KDM4C: variants seen among roughly 807,000 people sequenced by gnomAD.
KDM4C encodes lysine-specific demethylase 4C.
A neutral mutation model predicts 129.3 loss-of-function variants in KDM4C; 81 were observed. The observed-to-expected ratio is 0.63, with a 90% confidence interval of 0.52 to 0.75. The LOEUF (loss-of-function observed/expected upper bound fraction) is 0.75. Ranked by LOEUF, KDM4C falls within the 30% of genes least tolerant of loss-of-function variation. The probability of loss-of-function intolerance (pLI) is 0.00; values close to 1 mark genes in which losing one functional copy is unlikely to be tolerated. For synonymous variants in KDM4C, 573 were observed against 456.1 expected (o/e 1.26, Z -3.26); for missense variants, 1,457 against 1,304.0 (o/e 1.12, Z -1.81).
intron 1 of KDM4C, among the ~76,000 whole-genome samples, chr9:6,723,205 C>G (rs1301739546): frequency 6.6e-6 from 1 of 151,966 alleles, no homozygotes; most frequent in Non-Finnish European, 1.5e-5. Context: ...GAAACCCCGT[C>G]TCTACTAAAA....
intron 20 of KDM4C, among the ~76,000 whole-genome samples, chr9:7,166,204 C>T (rs1270783588): frequency 1.3e-5 from 2 of 152,124 alleles, no homozygotes; most frequent in Non-Finnish European, 2.9e-5. Flanking sequence ...AGGTTCAGGC[C>T]TGTTGAAAAA....
At chr9:7,098,982 G>T (rs1463261798) in intron 17 of KDM4C, among the ~76,000 whole-genome samples, 2 of 152,188 alleles carry the variant, frequency 1.3e-5, no homozygotes, top group African/African-American at 2.4e-5. Context: ...CCTCTGACTT[G>T]CCTGCAGCAA....
intron 15 of KDM4C, among the ~76,000 whole-genome samples, chr9:7,019,174 G>A (rs903399987): frequency 2.6e-5 from 4 of 152,184 alleles, no homozygotes; most frequent in Admixed American, 6.5e-5. Context: ...ATTTAGTGTC[G>A]TGGTGAGTGT....
intron 18 of KDM4C, among the ~76,000 whole-genome samples, chr9:7,117,904 C>CTAA (rs1291818659): frequency 1.3e-5 from 2 of 152,168 alleles, no homozygotes; most frequent in Non-Finnish European, 2.9e-5. Context: ...ACCTGTCTAA[C>CTAA]TAATGTGAAC....
chr9:6,807,974 C>T (rs1252258615), intron 3 of KDM4C, among the ~76,000 whole-genome samples: 7 of 125,288 alleles, frequency 5.6e-5, no homozygotes, highest in South Asian at 2.5e-4. Context: ...CCAGCCGCCC[C>T]GTCCGGGAGG....
chr9:7,008,780 C>T (rs1044962164), intron 12 of KDM4C, among the ~76,000 whole-genome samples: 3 of 152,198 alleles, frequency 2.0e-5, no homozygotes, highest in African/African-American at 7.2e-5. Context: ...AGGTACCAGG[C>T]CAGCTCACAT....
chr9:6,850,781 G>T (rs538301518), intron 5 of KDM4C, among the ~76,000 whole-genome samples: 1 of 151,632 alleles, frequency 6.6e-6, no homozygotes, highest in Non-Finnish European at 1.5e-5. Context: ...TCGAGACAGG[G>T]TCTCACTCTG....
chr9:6,817,144 A>G (rs1588473659), intron 4 of KDM4C, among the ~76,000 whole-genome samples: 1 of 151,670 alleles, frequency 6.6e-6, no homozygotes, highest in South Asian at 2.1e-4. Flanking sequence ...CAGTTACTTA[A>G]GAAAATAAAG....
intron 8 of KDM4C, among the ~76,000 whole-genome samples, chr9:6,902,231 G>A (rs1204596191): frequency 2.0e-5 from 3 of 152,148 alleles, no homozygotes; most frequent in Non-Finnish European, 2.9e-5. Context: ...AATAGGTGTT[G>A]TGAACACATA....
At chr9:7,147,769 T>G (rs1400422081) in intron 19 of KDM4C, among the ~76,000 whole-genome samples, 2 of 152,180 alleles carry the variant, frequency 1.3e-5, no homozygotes, top group Admixed American at 6.5e-5. Flanking sequence ...TAATTAGCTG[T>G]GCAACCAGGC....
intron 4 of KDM4C, among the ~76,000 whole-genome samples, chr9:6,827,860 A>G (rs1401537131): frequency 6.6e-6 from 1 of 152,222 alleles, no homozygotes; most frequent in Non-Finnish European, 1.5e-5. Context: ...ATCTGCTAGC[A>G]TGTTATGGCT....
upstream of KDM4C, among the ~76,000 whole-genome samples, chr9:6,753,612 G>A (rs983035819): frequency 3.3e-5 from 5 of 152,064 alleles, no homozygotes; most frequent in African/African-American, 9.6e-5. Context: ...TTATCGGCTC[G>A]CAGTTCTAGA....
rs537879723 is a variant in KDM4C at position 7,108,556 on chromosome 9, C to A, written c.2610+4686C>A. On this transcript the variant is annotated intron_variant, in intron 18 of 21. Transcript: ENST00000381309. ...CCAGCCTGAATGCTTTTTCCAGCCT[C>A]TGGGTCTTTAGGCCAGCTCCCAGGC... Among the ~76,000 whole-genome samples the A allele has an allele frequency of 2.8e-3, 431 of 152,278 alleles. 2 individuals are homozygous for A. The highest frequency in any genetic ancestry group is 0.016 in the South Asian group (79 of 4,826).
At chr9:7,032,463 A>G (rs1826938339) in intron 15 of KDM4C, among the ~76,000 whole-genome samples, 1 of 152,210 alleles carries the variant, frequency 6.6e-6, no homozygotes, top group African/African-American at 2.4e-5. Context: ...TGCTTTAGAG[A>G]AAGTAGTTTC....
intron 18 of KDM4C, among the ~76,000 whole-genome samples, chr9:7,118,810 TG>T (rs1398311505): frequency 6.6e-6 from 1 of 152,172 alleles, no homozygotes; most frequent in Non-Finnish European, 1.5e-5. Flanking sequence ...AGAACCCAGT[TG>T]GGGATTTTCC....
At chr9:6,934,856 T>G (rs1231577011) in intron 8 of KDM4C, among the ~76,000 whole-genome samples, 2 of 151,920 alleles carry the variant, frequency 1.3e-5, no homozygotes, top group East Asian at 3.9e-4. Context: ...GGCAAAGTTG[T>G]TAATATTCAG....
In KDM4C at chr9:6,807,103, C is replaced by T. The variant is rs879734770; in HGVS notation, c.320+1329C>T. On this transcript the variant is annotated intron_variant, in intron 3 of 21. Transcript: ENST00000381309. ...CGGGGTTTCGCTGTGTTGGCCGGGC[C>T]GGTCTCCAGCCCCTAACCGCGAGTG... 1.0e-3 allele frequency among the ~76,000 whole-genome samples: 152 copies of T among 152,020 alleles called. 1 individual carries two copies. The highest frequency in any genetic ancestry group is 1.9e-3 in the Non-Finnish European group (132 of 67,852).
chr9:6,773,764 C>G (rs1380452125), intron 1 of KDM4C, among the ~76,000 whole-genome samples: 2 of 141,676 alleles, frequency 1.4e-5, no homozygotes, highest in Non-Finnish European at 3.0e-5. Context: ...GAGTGAGACT[C>G]TGTCTCAAAA....
chr9:6,815,024 C>T (rs560374688), intron 4 of KDM4C: 2 of 240,634 alleles, frequency 8.3e-6, no homozygotes, highest in African/African-American at 4.5e-5. Flanking sequence ...AGCAAAAATA[C>T]ATTATAAAAA....
Sources: gnomAD v4.1 joint callset for allele counts (sites outside exome capture counted in the v4.1 genomes callset) on GRCh38, gnomAD v4.1.1 for gene constraint, MANE v1.5 for transcripts, NCBI Gene and HGNC (gene_info 2026-07-23, HGNC 2026-07-21) for gene names.